The following SUCLG2 variants were observed in gnomAD, a reference collection of about 807,000 sequenced individuals.
SUCLG2 encodes the protein succinate--CoA ligase [GDP-forming] subunit beta, mitochondrial.
Under a neutral mutation model 47.9 loss-of-function variants are expected in SUCLG2, and 42 were observed. The ratio of observed to expected loss-of-function variants is 0.88; its 90% CI spans 0.69 to 1.14. The LOEUF (loss-of-function observed/expected upper bound fraction) is 1.14. Ranked by LOEUF, SUCLG2 falls within the 50% of genes most tolerant of loss-of-function variation. The pLI is 0.00. For synonymous variants in SUCLG2, 195 were observed against 197.3 expected, an observed-to-expected ratio of 0.99 and a Z score of 0.10; for missense variants, 571 against 525.9, an observed-to-expected ratio of 1.09 and a Z score of -0.84.
chr3:67,469,687 C>T (rs1454747761), intron 9 of SUCLG2, among the ~76,000 whole-genome samples: 1 of 151,604 alleles, frequency 6.6e-6, no homozygotes, highest in Non-Finnish European at 1.5e-5. Context: ...CGAGACTGTA[C>T]CACTGCACTC....
intron 2 of SUCLG2, among the ~76,000 whole-genome samples, chr3:67,542,438 C>G (rs958376333): frequency 2.0e-5 from 3 of 152,230 alleles, no homozygotes; most frequent in African/African-American, 7.2e-5. Flanking sequence ...GGCAAAATAA[C>G]CAGCTAGCAT....
chr3:67,573,772 T>C (rs1707676463), intron 2 of SUCLG2, among the ~76,000 whole-genome samples: 1 of 152,074 alleles, frequency 6.6e-6, no homozygotes. Context: ...GAATCCTTGT[T>C]TCCCCCTTTT....
intron 10 of SUCLG2, among the ~76,000 whole-genome samples, chr3:67,393,244 G>C (rs113261316): frequency 1.1e-4 from 16 of 152,362 alleles, no homozygotes; most frequent in Middle Eastern, 3.4e-3. Context: ...AAGTGCAAGG[G>C]GTCAGGGAGT....
chr3:67,469,571 A>G (rs1164985613), intron 9 of SUCLG2, among the ~76,000 whole-genome samples: 1 of 146,008 alleles, frequency 6.8e-6, no homozygotes, highest in Non-Finnish European at 1.5e-5. Context: ...CTACTAAAAA[A>G]TACAAAAATT....
chr3:67,566,501 ATAACT>A (rs1707457321), intron 2 of SUCLG2, among the ~76,000 whole-genome samples: 1 of 152,242 alleles, frequency 6.6e-6, no homozygotes, highest in Admixed American at 6.5e-5. Context: ...ACACAGAAAA[ATAACT>A]TAAAGGAGTT....
At chr3:67,550,410 G>C (rs1271098008) in intron 2 of SUCLG2, among the ~76,000 whole-genome samples, 1 of 152,074 alleles carries the variant, frequency 6.6e-6, no homozygotes, top group Admixed American at 6.6e-5. Flanking sequence ...AATGATCATG[G>C]CTCACTGCAG....
intron 1 of SUCLG2, among the ~76,000 whole-genome samples, chr3:67,639,167 T>C (rs1701056232): frequency 6.6e-6 from 1 of 152,158 alleles, no homozygotes; most frequent in Non-Finnish European, 1.5e-5. Flanking sequence ...TTTATTGTAA[T>C]GTACATTCGA....
At chr3:67,491,059 T>C (rs1228228956) in intron 9 of SUCLG2, among the ~76,000 whole-genome samples, 1 of 152,114 alleles carries the variant, frequency 6.6e-6, no homozygotes, top group Non-Finnish European at 1.5e-5. Context: ...CAGTGGCTAC[T>C]GCCTGTAACC....
intron 1 of SUCLG2, among the ~76,000 whole-genome samples, chr3:67,642,820 T>C (rs1258329024): frequency 3.9e-5 from 6 of 152,132 alleles, no homozygotes; most frequent in Non-Finnish European, 7.3e-5. Flanking sequence ...TAATAGCCAT[T>C]GTACAGGCAA....
At chr3:67,405,596 T>C (rs1702785543) in intron 9 of SUCLG2, among the ~76,000 whole-genome samples, 1 of 152,124 alleles carries the variant, frequency 6.6e-6, no homozygotes, top group Admixed American at 6.5e-5. Context: ...TGGCAAGTGG[T>C]AACCTACAGC....
intron 10 of SUCLG2, among the ~76,000 whole-genome samples, chr3:67,393,191 C>T (rs1467471796): frequency 1.3e-5 from 2 of 152,226 alleles, no homozygotes; most frequent in Admixed American, 1.3e-4. Flanking sequence ...GTGCAGCGCA[C>T]CATGCACGAG....
chr3:67,650,616 G>T (rs796880635), intron 1 of SUCLG2, among the ~76,000 whole-genome samples: 35 of 152,200 alleles, frequency 2.3e-4, no homozygotes, highest in African/African-American at 8.2e-4. Flanking sequence ...AATCAGCCAG[G>T]CATGGTGGCG....
chr3:67,434,176 T>C (rs1703558680), intron 9 of SUCLG2, among the ~76,000 whole-genome samples: 1 of 152,294 alleles, frequency 6.6e-6, no homozygotes, highest in East Asian at 1.9e-4. Context: ...CAAATATATA[T>C]GATCATTTCT....
intron 2 of SUCLG2, among the ~76,000 whole-genome samples, chr3:67,570,502 G>A (rs116638846): frequency 1.8e-4 from 27 of 152,150 alleles, no homozygotes; most frequent in African/African-American, 6.5e-4. Context: ...AATTAAGGTG[G>A]GGCCAGCTAC....
At chr3:67,631,511 C>T (rs1700925485) in intron 1 of SUCLG2, among the ~76,000 whole-genome samples, 1 of 152,090 alleles carries the variant, frequency 6.6e-6, no homozygotes, top group Non-Finnish European at 1.5e-5. Flanking sequence ...CCTGTAATCC[C>T]AGCTACTCGG....
At chr3:67,520,744 C>CA (rs1474916440) in intron 4 of SUCLG2, 110 bp from the exon 5 acceptor site, 9 of 1,284,596 alleles carry the variant, frequency 7.0e-6, no homozygotes, top group African/African-American at 6.0e-5. Context: ...CAGGCTCTTA[C>CA]AGCCCAGGGA....
chr3:67,395,111 C>T (rs375201609), intron 10 of SUCLG2, among the ~76,000 whole-genome samples: 1 of 151,690 alleles, frequency 6.6e-6, no homozygotes, highest in African/African-American at 2.4e-5. Context: ...GAAACTGCAT[C>T]AACTAACGAG....
At chr3:67,528,996 C>G (rs921149961) in intron 3 of SUCLG2, 91 bp downstream of exon 3, 4 of 1,155,460 alleles carry the variant, frequency 3.5e-6, no homozygotes, top group Non-Finnish European at 5.0e-6. Flanking sequence ...CCTACCCCAC[C>G]ACAACCAACC....
intron 2 of SUCLG2, among the ~76,000 whole-genome samples, chr3:67,586,888 C>A (rs1377390366): frequency 6.6e-6 from 1 of 152,142 alleles, no homozygotes; most frequent in African/African-American, 2.4e-5. Flanking sequence ...CCCTAAGCTG[C>A]CTCCCATTTA....
Sources: allele counts gnomAD v4.1 joint callset (sites outside exome capture counted in the v4.1 genomes callset), GRCh38; gene constraint gnomAD v4.1.1; transcripts MANE v1.5; gene names NCBI Gene and HGNC (gene_info 2026-07-23, HGNC 2026-07-21).